The following MBNL2 variants were observed in gnomAD, a reference collection of about 807,000 sequenced individuals.
MBNL2 encodes muscleblind-like protein 2.
A neutral mutation model predicts 41.9 loss-of-function variants in MBNL2; 17 were observed. The observed-to-expected ratio is 0.41, with a 90% confidence interval of 0.28 to 0.61. The LOEUF (loss-of-function observed/expected upper bound fraction) is 0.61. MBNL2 is among the 20% of genes least tolerant of loss of function. The pLI is 0.35. For missense variants in MBNL2, 336 were observed against 505.6 expected (o/e 0.66, Z 3.22); for synonymous variants, 195 against 182.9 (o/e 1.07, Z -0.53).
intron 2 of MBNL2, among the ~76,000 whole-genome samples, chr13:97,291,896 GTC>G (rs2056100298): frequency 2.2e-4 from 1 of 4,642 alleles, no homozygotes; most frequent in Non-Finnish European, 3.3e-4. Context: ...CTCCGTCTCC[GTC>G]TCAAAAAAAA....
intron 2 of MBNL2, among the ~76,000 whole-genome samples, chr13:97,331,787 A>G (rs2060461406): frequency 6.6e-6 from 1 of 152,232 alleles, no homozygotes; most frequent in Non-Finnish European, 1.5e-5. Flanking sequence ...GTATGTAAGT[A>G]AGGACACTAG....
intron 2 of MBNL2, among the ~76,000 whole-genome samples, chr13:97,302,629 A>C (rs931752126): frequency 6.6e-6 from 1 of 152,210 alleles, no homozygotes; most frequent in African/African-American, 2.4e-5. Flanking sequence ...TATGACTGGT[A>C]TGTGGCAGAG....
chr13:97,259,142 C>A (rs1412264761), intron 1 of MBNL2, among the ~76,000 whole-genome samples: 1 of 152,138 alleles, frequency 6.6e-6, no homozygotes, highest in Admixed American at 6.5e-5. Context: ...CAGGACCCAG[C>A]ACTGCCCCCA....
intron 2 of MBNL2, among the ~76,000 whole-genome samples, chr13:97,285,535 A>T (rs1039757951): frequency 2.0e-5 from 3 of 152,224 alleles, no homozygotes; most frequent in African/African-American, 7.2e-5. Flanking sequence ...AGAAATTCAA[A>T]TTTTGATGTG....
At chr13:97,259,610 A>C (rs2048226552) in intron 1 of MBNL2, among the ~76,000 whole-genome samples, 1 of 152,182 alleles carries the variant, frequency 6.6e-6, no homozygotes, top group African/African-American at 2.4e-5. Flanking sequence ...GGCCAAACTC[A>C]GCCGAGCTGG....
chr13:97,181,494 G>C, the MBNL2 span, among the ~76,000 whole-genome samples: 1 of 152,202 alleles, frequency 6.6e-6, no homozygotes, highest in Non-Finnish European at 1.5e-5. Context: ...CAGGGGAAAT[G>C]ATGAAATGTA....
chr13:97,376,151 A>T (rs915769595), intron 8 of MBNL2, among the ~76,000 whole-genome samples: 2 of 152,178 alleles, frequency 1.3e-5, no homozygotes, highest in African/African-American at 2.4e-5. Flanking sequence ...TGAAACTGGG[A>T]TAGAGAGAAA....
rs756115379 is a variant in MBNL2 at position 97,268,588 on chromosome 13, A to G, written c.-604-7044A>G. 5.2e-4 allele frequency among the ~76,000 whole-genome samples: 79 copies of G among 152,186 alleles called. 2 individuals are homozygous for G. The highest frequency in any genetic ancestry group is 1.8e-4 in the Non-Finnish European group (12 of 68,030). On this transcript the variant is annotated intron_variant, in intron 1 of 8. Transcript: ENST00000679496. The surrounding 1 kb of genome is among the most constrained non-coding windows in gnomAD (Gnocchi z 4.6). ...CAGTGGCATCTGCTGGAATTTTCCT[A>G]CAGATAATACTGGAATTCCCCATTC...
the MBNL2 span, among the ~76,000 whole-genome samples, chr13:97,147,033 A>T: frequency 1.1e-4 from 16 of 152,204 alleles, no homozygotes; most frequent in Non-Finnish European, 2.2e-4. Context: ...AGAGTGTTAG[A>T]TACAAGATTA....
intron 1 of MBNL2, among the ~76,000 whole-genome samples, chr13:97,236,366 T>C (rs193086453): frequency 8.9e-4 from 136 of 152,284 alleles, no homozygotes; most frequent in African/African-American, 3.1e-3. Context: ...AGGGGCATGC[T>C]TTCCCTTGGG....
chr13:97,234,497 G>A (rs1045885702), intron 1 of MBNL2, among the ~76,000 whole-genome samples: 1 of 152,106 alleles, frequency 6.6e-6, no homozygotes, highest in African/African-American at 2.4e-5. Flanking sequence ...AGCACAGTGC[G>A]GGGGCGGGGG....
intron 2 of MBNL2, among the ~76,000 whole-genome samples, chr13:97,299,235 T>C (rs1210675921): frequency 6.6e-6 from 1 of 152,160 alleles, no homozygotes; most frequent in African/African-American, 2.4e-5. Flanking sequence ...CTGTTTTTCC[T>C]ATTAGCTGAA....
At chr13:97,257,883 C>G (rs2047863198) in intron 1 of MBNL2, among the ~76,000 whole-genome samples, 1 of 152,244 alleles carries the variant, frequency 6.6e-6, no homozygotes, top group Admixed American at 6.5e-5. Flanking sequence ...AAGGGCAGAT[C>G]AGTGACTGTG....
intron 3 of MBNL2, among the ~76,000 whole-genome samples, chr13:97,339,680 C>T (rs2061263965): frequency 6.6e-6 from 1 of 152,000 alleles, no homozygotes; most frequent in African/African-American, 2.4e-5. Flanking sequence ...CGTTGTTGGC[C>T]GAGATTCTAC....
chr13:97,264,287 A>G (rs1428513378), intron 1 of MBNL2, among the ~76,000 whole-genome samples: 1 of 152,154 alleles, frequency 6.6e-6, no homozygotes, highest in Non-Finnish European at 1.5e-5. Flanking sequence ...TCGGCCTCCC[A>G]AAGTGCTGGG....
the MBNL2 span, among the ~76,000 whole-genome samples, chr13:97,148,991 T>C: frequency 1.3e-5 from 2 of 152,232 alleles, no homozygotes; most frequent in African/African-American, 4.8e-5. Flanking sequence ...AACTCAACTC[T>C]GAACTTGGGG....
At chr13:97,165,195 C>A in the MBNL2 span, among the ~76,000 whole-genome samples, 3 of 152,144 alleles carry the variant, frequency 2.0e-5, no homozygotes, top group Middle Eastern at 6.8e-3. Context: ...CAGATCAAGA[C>A]CCTATGTCCA....
chr13:97,371,116 A>T (rs2064331605), intron 8 of MBNL2, among the ~76,000 whole-genome samples: 1 of 152,238 alleles, frequency 6.6e-6, no homozygotes, highest in South Asian at 2.1e-4. Flanking sequence ...CTGAACTTGA[A>T]TTATTATAAT....
At chr13:97,329,370 A>G (rs759260494) in intron 2 of MBNL2, among the ~76,000 whole-genome samples, 1 of 152,160 alleles carries the variant, frequency 6.6e-6, no homozygotes, top group African/African-American at 2.4e-5. Context: ...TGCGATTTAA[A>G]TGTAGCATAA....
Sources: gnomAD v4.1 joint callset for allele counts (sites outside exome capture counted in the v4.1 genomes callset) on GRCh38, gnomAD v4.1.1 for gene constraint, Gnocchi (gnomAD v3.1) non-coding constraint, MANE v1.5 for transcripts, NCBI Gene and HGNC (gene_info 2026-07-23, HGNC 2026-07-21) for gene names.